USP10: variants seen among roughly 807,000 people sequenced by gnomAD.
The protein encoded by USP10 is ubiquitin carboxyl-terminal hydrolase 10.
Under a neutral mutation model 84.5 loss-of-function variants are expected in USP10, and 22 were observed. The ratio of observed to expected loss-of-function variants is 0.26; its 90% CI spans 0.19 to 0.37. The LOEUF is 0.37. Among genes scored for constraint, USP10 ranks in the 10% least tolerant of loss-of-function variants. USP10 has a pLI of 1.00. For missense variants in USP10, 1,019 were observed against 998.9 expected (o/e 1.02, Z -0.27); for synonymous variants, 454 against 387.6 (o/e 1.17, Z -2.01).
intron 1 of USP10, among the ~76,000 whole-genome samples, chr16:84,727,493 C>T (rs1908654882): frequency 6.6e-6 from 1 of 151,684 alleles, no homozygotes; most frequent in South Asian, 2.1e-4. Context: ...CAAACAAAAA[C>T]TCTTTATTTG....
At chr16:84,776,583 G>A (rs1156289740) in intron 13 of USP10, among the ~76,000 whole-genome samples, 2 of 152,038 alleles carry the variant, frequency 1.3e-5, no homozygotes, top group Admixed American at 6.6e-5. Context: ...TTGGAGTGTG[G>A]CACCCAGGTC....
intron 8 of USP10, among the ~76,000 whole-genome samples, chr16:84,761,560 C>T (rs1173975144): frequency 1.3e-5 from 2 of 152,206 alleles, no homozygotes; most frequent in Admixed American, 6.5e-5. Flanking sequence ...GTAACTACTC[C>T]AGCACCAGAC....
chr16:84,730,602 A>G (rs1389517985), intron 1 of USP10, among the ~76,000 whole-genome samples: 1 of 152,176 alleles, frequency 6.6e-6, no homozygotes, highest in East Asian at 1.9e-4. Context: ...TGCTGAAGCC[A>G]CTTGGTGTCT....
chr16:84,704,806 T>G, intron 1 of USP10: 1 of 1,535,694 alleles, frequency 6.5e-7, no homozygotes, highest in Non-Finnish European at 8.7e-7. Flanking sequence ...AGCACTGCCA[T>G]TCTGTCCCGT....
At chr16:84,743,046 G>A (rs1910807818) in intron 3 of USP10, among the ~76,000 whole-genome samples, 2 of 152,244 alleles carry the variant, frequency 1.3e-5, no homozygotes, top group South Asian at 2.1e-4. Flanking sequence ...AGGCACACCC[G>A]TTTCAATCTG....
At chr16:84,713,969 A>G (rs1363972536) in intron 1 of USP10, among the ~76,000 whole-genome samples, 11 of 152,236 alleles carry the variant, frequency 7.2e-5, no homozygotes, top group Admixed American at 1.3e-4. Flanking sequence ...GGGAAGGTGG[A>G]TGGGTGCGTC....
intron 3 of USP10, among the ~76,000 whole-genome samples, chr16:84,742,238 A>G (rs1473766634): frequency 6.6e-6 from 1 of 152,206 alleles, no homozygotes; most frequent in Non-Finnish European, 1.5e-5. Flanking sequence ...AGCTTGAGAT[A>G]CCACTCCTTC....
In USP10 at chr16:84,740,460, A is replaced by T. The variant is rs142177682; in HGVS notation, c.151+91A>T. Reference sequence around the variant, plus strand: ...CCTGTAAACATTGTTTCCCATTTGAATAAACATTTCTTTGTAGCTTGAAGT... The same window carrying T: ...CCTGTAAACATTGTTTCCCATTTGATTAAACATTTCTTTGTAGCTTGAAGT... On this transcript the variant is annotated intron_variant, in intron 3 of 13. Transcript: ENST00000219473. 4.6e-6 allele frequency: 5 copies of T among 1,076,216 alleles called. No individual in the cohort carries two copies. In the African/African-American group the frequency reaches 7.9e-5, roughly 17 times the overall value. 66.7% of individuals were successfully genotyped at this position (1,076,216 alleles called of 1,614,324 possible). A position where few individuals can be genotyped will look rare whatever the true frequency, so the allele number is the denominator to read the frequency against.
At chr16:84,728,430 C>G (rs758735804) in intron 1 of USP10, among the ~76,000 whole-genome samples, 5 of 151,926 alleles carry the variant, frequency 3.3e-5, no homozygotes, top group African/African-American at 4.8e-5. Context: ...ACCTCTGCCT[C>G]CCCGGTTCAA....
At chr16:84,717,163 A>G (rs964413663) in intron 1 of USP10, among the ~76,000 whole-genome samples, 2 of 152,114 alleles carry the variant, frequency 1.3e-5, no homozygotes, top group African/African-American at 4.8e-5. Flanking sequence ...CCTCACTTTG[A>G]GTAGCAGGTC....
intron 1 of USP10, among the ~76,000 whole-genome samples, chr16:84,709,605 C>A (rs567914190): frequency 6.6e-6 from 1 of 151,990 alleles, no homozygotes; most frequent in Non-Finnish European, 1.5e-5. Context: ...GGGCAGGGTC[C>A]TTGGACTTTT....
intron 13 of USP10, 105 bp from the exon 14 acceptor site, chr16:84,778,790 G>A: frequency 9.1e-7 from 1 of 1,103,826 alleles, no homozygotes; most frequent in East Asian, 2.6e-5. Context: ...CTTTGGAGAG[G>A]GGTTTTACAC....
intron 8 of USP10, among the ~76,000 whole-genome samples, chr16:84,761,849 G>T (rs1019672922): frequency 1.3e-5 from 2 of 152,252 alleles, no homozygotes; most frequent in Admixed American, 6.5e-5. Context: ...CCTTTCCAAG[G>T]AGAGCCACCC....
intron 1 of USP10, among the ~76,000 whole-genome samples, chr16:84,730,082 C>G (rs77404885): frequency 2.6e-4 from 40 of 152,176 alleles, no homozygotes; most frequent in African/African-American, 7.9e-4. Flanking sequence ...CCCAAGAAAA[C>G]CCTCCAAAAA....
chr16:84,747,160 A>G (rs58203633), intron 4 of USP10, among the ~76,000 whole-genome samples: 1,798 of 152,314 alleles, frequency 0.012, 28 homozygotes, highest in African/African-American at 0.04. Flanking sequence ...AAGCTGTGTC[A>G]TCAGGTTGGA....
rs1053223009 is a variant in USP10, at chr16:84,745,724, C to G, written c.1192+51C>G. The G allele has an allele frequency of 3.3e-6, 5 of 1,533,116 alleles. No individual in the cohort carries two copies. In the Admixed American group the frequency reaches 7.9e-5, roughly 24 times the overall value. The allele number at this position is 1,533,116 out of a possible 1,614,324, so 95.0% of individuals were successfully genotyped here. ...GAGTGAAGATGGGAGCAGACCTCAT[C>G]AACTGGGCTTATAGACTGTGGTGTT... On this transcript the variant is annotated intron_variant, in intron 4 of 13. Coordinates refer to ENST00000219473, the MANE Select transcript of USP10 (RefSeq NM_005153.3).
chr16:84,769,047 C>G (rs1306459213), intron 11 of USP10, among the ~76,000 whole-genome samples: 1 of 152,180 alleles, frequency 6.6e-6, no homozygotes, highest in Non-Finnish European at 1.5e-5. Context: ...CAGAGAGTGT[C>G]TTCTCTGTTA....
At chr16:84,712,225 C>T (rs1193343223) in intron 1 of USP10, among the ~76,000 whole-genome samples, 2 of 152,204 alleles carry the variant, frequency 1.3e-5, no homozygotes, top group African/African-American at 2.4e-5. Context: ...TGTCCTTCCT[C>T]AGGAGGCAGT....
intron 4 of USP10, among the ~76,000 whole-genome samples, chr16:84,755,198 G>A (rs1038005431): frequency 8.6e-5 from 13 of 151,238 alleles, no homozygotes; most frequent in African/African-American, 3.2e-4. Context: ...TCCAGTATCA[G>A]TGCTAAACAG....
Sources: gnomAD v4.1 joint callset for allele counts (sites outside exome capture counted in the v4.1 genomes callset) on GRCh38, gnomAD v4.1.1 for gene constraint, MANE v1.5 for transcripts, NCBI Gene and HGNC (gene_info 2026-07-23, HGNC 2026-07-21) for gene names.